Variants in RP1 observed in about 807,000 individuals in gnomAD.
The protein encoded by RP1 is oxygen-regulated protein 1.
A neutral mutation model predicts 14.8 loss-of-function variants in RP1; 16 were observed. That is an observed-to-expected ratio of 1.08 (90% confidence interval 0.73 to 1.65). The LOEUF is 1.65. Among genes scored for constraint, RP1 ranks in the 40% most tolerant of loss-of-function variants. The probability of loss-of-function intolerance (pLI) is 0.00; values close to 1 mark genes in which losing one functional copy is unlikely to be tolerated. For synonymous variants in RP1, 876 were observed against 883.6 expected (o/e 0.99, Z 0.15); for missense variants, 2,631 against 2,535.0 (o/e 1.04, Z -0.81).
chr8:54,596,685 A>G (rs1386971532), intron 1 of RP1, among the ~76,000 whole-genome samples: 1 of 152,218 alleles, frequency 6.6e-6, no homozygotes, highest in Non-Finnish European at 1.5e-5. Flanking sequence ...GTACTCAGTA[A>G]GAGCCAACTC....
intron 24 of RP1, among the ~76,000 whole-genome samples, chr8:54,799,034 G>A (rs780774002): frequency 2.0e-5 from 3 of 151,670 alleles, no homozygotes; most frequent in Non-Finnish European, 4.4e-5. Flanking sequence ...TTTTCCTACA[G>A]CATAATATAT....
chr8:54,567,978 T>C (rs1156741866), intron 1 of RP1, among the ~76,000 whole-genome samples: 10 of 152,130 alleles, frequency 6.6e-5, no homozygotes, highest in Non-Finnish European at 1.2e-4. Context: ...CATTAAAAAA[T>C]GTGAAATATA....
At chr8:54,770,571 T>G (rs1202676909), downstream of RP1, among the ~76,000 whole-genome samples, 6 of 149,048 alleles carry the variant, frequency 4.0e-5, no homozygotes, top group East Asian at 2.0e-4. Flanking sequence ...CAATTTGAGA[T>G]AACGTAAAAG....
intron 1 of RP1, among the ~76,000 whole-genome samples, chr8:54,610,833 C>A (rs142297760): frequency 1.3e-5 from 2 of 152,176 alleles, no homozygotes; most frequent in Non-Finnish European, 2.9e-5. Flanking sequence ...TCCTAATTGG[C>A]GTACCTGAAT....
At chr8:54,602,148 T>C (rs962680984) in intron 1 of RP1, among the ~76,000 whole-genome samples, 8 of 152,148 alleles carry the variant, frequency 5.3e-5, no homozygotes, top group Non-Finnish European at 1.0e-4. Context: ...AACTCTTCAT[T>C]TAACATTAGG....
At chr8:54,710,878 G>C (rs1808280000) in intron 15 of RP1, among the ~76,000 whole-genome samples, 1 of 152,136 alleles carries the variant, frequency 6.6e-6, no homozygotes, top group African/African-American at 2.4e-5. Context: ...CATTCGACTG[G>C]TAAAAAGACA....
At chr8:54,697,123 C>T (rs927069367) in intron 12 of RP1, 2 of 1,401,070 alleles carry the variant, frequency 1.4e-6, no homozygotes, top group Admixed American at 1.8e-5. Flanking sequence ...ATCAGCTCAT[C>T]TAGACCTAGG....
At chr8:54,734,791 A>AT in intron 18 of RP1, 2 of 1,459,102 alleles carry the variant, frequency 1.4e-6, no homozygotes, top group South Asian at 2.7e-5. Context: ...TTTCAAAGAC[A>AT]TTTCTGTAAT....
intron 25 of RP1, among the ~76,000 whole-genome samples, chr8:54,840,879 A>G (rs372558552): frequency 5.3e-5 from 8 of 152,338 alleles, no homozygotes; most frequent in Admixed American, 4.6e-4. Flanking sequence ...TAATGTAATA[A>G]TGATACTTAC....
chr8:54,561,487 T>C (rs980976063), intron 1 of RP1, among the ~76,000 whole-genome samples: 28 of 149,748 alleles, frequency 1.9e-4, no homozygotes, highest in African/African-American at 6.9e-4. Flanking sequence ...CCTTAGAAAC[T>C]TGTATACACA....
chr8:54,582,190 G>A (rs1253943083), intron 1 of RP1, among the ~76,000 whole-genome samples: 3 of 151,992 alleles, frequency 2.0e-5, no homozygotes, highest in Non-Finnish European at 4.4e-5. Context: ...TAAGGTGTAA[G>A]GAAGGGATCC....
chr8:54,669,570 G>T (rs532224266), intron 7 of RP1, among the ~76,000 whole-genome samples: 1 of 152,082 alleles, frequency 6.6e-6, no homozygotes. Flanking sequence ...ATAAAGACAC[G>T]TGCACACGTA....
intron 1 of RP1, among the ~76,000 whole-genome samples, chr8:54,595,133 T>A (rs2129302321): frequency 7.0e-6 from 1 of 142,514 alleles, no homozygotes; most frequent in Admixed American, 7.0e-5. Context: ...CCTCCAAACA[T>A]TTTTTTTTTT....
At position 54,831,236 on chromosome 8, in the gene RP1, G is replaced by C. The variant is rs1406238282; in HGVS notation, c.3616-6214G>C. Reference sequence around the variant, plus strand: ...GTATATACCCAGCAGTGGAATGTTGGGTCATATGGTAATACTATATTTAAC... The same window carrying C: ...GTATATACCCAGCAGTGGAATGTTGCGTCATATGGTAATACTATATTTAAC... On this transcript the variant is annotated intron_variant, in intron 24 of 28. Transcript: ENST00000637698. Among the ~76,000 whole-genome samples the C allele has an allele frequency of 2.0e-5, 3 of 151,870 alleles. No individual in the cohort carries two copies. In the East Asian group the frequency reaches 5.8e-4, roughly 29 times the overall value.
chr8:54,781,231 CT>C (rs1016307299), intron 23 of RP1, among the ~76,000 whole-genome samples: 8 of 152,048 alleles, frequency 5.3e-5, no homozygotes, highest in Non-Finnish European at 1.2e-4. Context: ...AGTCAACGAA[CT>C]TTTTTTAAAC....
In RP1 at chr8:54,629,982, A is replaced by G. The variant is rs147632759; in HGVS notation, c.6100A>G (p.Met2034Val). The change falls in exon 4 of 4, where the codon ATG (methionine) becomes GTG (valine). Residue 2034 changes from methionine (M) to valine (V), a missense_variant. Coordinates refer to ENST00000220676, the MANE Select transcript of RP1 (RefSeq NM_006269.2). The part of the protein sequence containing the change: ...FQPDLKERFC[M>V]NFLHTSLLVV... The stretch of plus-strand genomic sequence containing the variant: ...ACCAGATTTGAAGGAAAGGTTTTGT[A>G]TGAATTTCTTGCACACATCATTGTT... 45 of 1,614,066 alleles carry G rather than the reference A, an allele frequency of 2.8e-5. No individual in the cohort carries two copies. In the Admixed American group the frequency reaches 3.7e-4, roughly 13 times the overall value.
chr8:54,570,581 G>A (rs893647285), intron 1 of RP1, among the ~76,000 whole-genome samples: 5 of 151,614 alleles, frequency 3.3e-5, no homozygotes, highest in Non-Finnish European at 5.9e-5. Context: ...GCCCACCTTG[G>A]CCTCCCAAAG....
intron 27 of RP1, among the ~76,000 whole-genome samples, chr8:54,862,171 A>T (rs1487686798): frequency 2.6e-5 from 4 of 152,312 alleles, no homozygotes; most frequent in African/African-American, 9.6e-5. Context: ...TCTAAGGTAA[A>T]TCCGTAGAAG....
intron 23 of RP1, among the ~76,000 whole-genome samples, chr8:54,782,846 G>C (rs1810222163): frequency 1.3e-5 from 2 of 152,020 alleles, no homozygotes; most frequent in African/African-American, 4.8e-5. Flanking sequence ...GCCTTTCTGT[G>C]CTCTCAGTAT....
Sources: gnomAD v4.1 joint callset for allele counts (sites outside exome capture counted in the v4.1 genomes callset) on GRCh38, gnomAD v4.1.1 for gene constraint, MANE v1.5 for transcripts, NCBI Gene and HGNC (gene_info 2026-07-23, HGNC 2026-07-21) for gene names.